Variants in RASGEF1A observed in about 807,000 individuals in gnomAD.
RASGEF1A encodes RasGEF domain family member 1A.
RASGEF1A carries 18 observed loss-of-function variants against 56.4 expected under a neutral mutation model. The observed-to-expected ratio is 0.32, with a 90% CI of 0.22 to 0.47. RASGEF1A has a LOEUF of 0.47. Ranked by LOEUF, RASGEF1A falls within the 20% of genes least tolerant of loss-of-function variation. RASGEF1A has a pLI of 1.00. For synonymous variants in RASGEF1A, 245 were observed against 242.6 expected (o/e 1.01, Z -0.09); for missense variants, 422 against 627.1 (o/e 0.67, Z 3.49).
chr10:43,248,464 A>C (rs2133222978), intron 1 of RASGEF1A, among the ~76,000 whole-genome samples: 1 of 152,304 alleles, frequency 6.6e-6, no homozygotes, highest in South Asian at 2.1e-4. Context: ...TTAAAAGGGT[A>C]AAATTTAAGT....
At chr10:43,229,706 G>A (rs977494426) in intron 1 of RASGEF1A, 11 of 1,424,644 alleles carry the variant, frequency 7.7e-6, no homozygotes, top group South Asian at 2.8e-5. Context: ...TCCAGCGAGC[G>A]GCGGCTCCTC....
chr10:43,204,845 C>T (rs911468564), intron 2 of RASGEF1A, among the ~76,000 whole-genome samples: 1 of 152,208 alleles, frequency 6.6e-6, no homozygotes, highest in Non-Finnish European at 1.5e-5. Flanking sequence ...GGCCTCTGCC[C>T]CACAGACGGC....
chr10:43,258,606 A>G (rs1273509255), intron 1 of RASGEF1A, among the ~76,000 whole-genome samples: 1 of 152,200 alleles, frequency 6.6e-6, no homozygotes, highest in Non-Finnish European at 1.5e-5. Flanking sequence ...GAGGGGCACC[A>G]CCAGCAGGGA....
At position 43,200,902 on chromosome 10, in the gene RASGEF1A, G is replaced by A; in HGVS notation, c.460-14C>T. 1.9e-6 allele frequency: 3 copies of A among 1,607,350 alleles called. No individual in the cohort carries two copies. Among genetic ancestry groups the A allele is most frequent in the Non-Finnish European group, 1.7e-6 (2 of 1,174,470 alleles). ...TGTGCCATTCTCCTGTGGGGTCAAG[G>A]GCAATAAGGGTGCCAGCATGGGCTG... On this transcript the variant is annotated splice_polypyrimidine_tract_variant and intron_variant, in intron 4 of 12. Transcript: ENST00000395810.
At chr10:43,238,171 C>G (rs2900654) in intron 1 of RASGEF1A, among the ~76,000 whole-genome samples, 3 of 36,170 alleles carry the variant, frequency 8.3e-5, no homozygotes, top group Admixed American at 3.2e-4. Context: ...ACCTGCCCCT[C>G]AGGAGGGTTA....
At chr10:43,250,497 C>G (rs191629987) in intron 1 of RASGEF1A, among the ~76,000 whole-genome samples, 2 of 152,338 alleles carry the variant, frequency 1.3e-5, no homozygotes, top group East Asian at 3.9e-4. Context: ...CTGCTAGAAA[C>G]AGATTCCTGG....
At chr10:43,216,647 C>A (rs7096500) in intron 1 of RASGEF1A, among the ~76,000 whole-genome samples, 1 of 152,064 alleles carries the variant, frequency 6.6e-6, no homozygotes, top group Admixed American at 6.5e-5. Flanking sequence ...CAGAGAAGGC[C>A]GTTGGGATGT....
intron 3 of RASGEF1A, chr10:43,202,780 AC>A: frequency 2.2e-6 from 1 of 455,108 alleles, no homozygotes. Context: ...CCTAACCCGG[AC>A]CCAACCCACA....
chr10:43,234,580 A>T (rs1840408436), intron 1 of RASGEF1A, among the ~76,000 whole-genome samples: 1 of 152,192 alleles, frequency 6.6e-6, no homozygotes, highest in South Asian at 2.1e-4. Context: ...GGCTCAGCCC[A>T]CAAGGCCTTG....
chr10:43,252,089 C>A (rs1357197690), intron 1 of RASGEF1A, among the ~76,000 whole-genome samples: 1 of 152,192 alleles, frequency 6.6e-6, no homozygotes, highest in Non-Finnish European at 1.5e-5. Flanking sequence ...GGGCACCTGT[C>A]GCCATTGATG....
intron 1 of RASGEF1A, among the ~76,000 whole-genome samples, chr10:43,261,829 G>A (rs141733422): frequency 3.3e-5 from 5 of 152,330 alleles, no homozygotes; most frequent in African/African-American, 1.2e-4. Flanking sequence ...AGGGCTCACA[G>A]GGCATGCTCA....
intron 1 of RASGEF1A, chr10:43,206,848 G>A: frequency 3.0e-6 from 3 of 985,940 alleles, no homozygotes; most frequent in Non-Finnish European, 3.6e-6. Context: ...AGAGAGATCT[G>A]GAACTGGCTT....
intron 1 of RASGEF1A, among the ~76,000 whole-genome samples, chr10:43,241,659 A>G (rs1840502832): frequency 6.6e-6 from 1 of 152,188 alleles, no homozygotes; most frequent in Non-Finnish European, 1.5e-5. Flanking sequence ...TAAAGGAACA[A>G]AAATGGCATA....
chr10:43,253,509 A>G (rs1036111194), intron 1 of RASGEF1A, among the ~76,000 whole-genome samples: 1 of 152,200 alleles, frequency 6.6e-6, no homozygotes, highest in African/African-American at 2.4e-5. Flanking sequence ...CAAGTCCTTA[A>G]AGTTGAAGAA....
intron 1 of RASGEF1A, among the ~76,000 whole-genome samples, chr10:43,244,405 A>T (rs35590633): frequency 0.022 from 5 of 228 alleles, no homozygotes; most frequent in Non-Finnish European, 0.028. Flanking sequence ...TAAAAAAATT[A>T]AAAAAAAAAA....
chr10:43,201,233 C>A (rs1451333044), intron 4 of RASGEF1A, among the ~76,000 whole-genome samples: 1 of 152,198 alleles, frequency 6.6e-6, no homozygotes, highest in Non-Finnish European at 1.5e-5. Flanking sequence ...CAGTTTAAGG[C>A]ATGGGAAAGG....
intron 1 of RASGEF1A, among the ~76,000 whole-genome samples, chr10:43,237,180 T>C (rs1319300667): frequency 5.3e-5 from 8 of 151,840 alleles, no homozygotes; most frequent in Non-Finnish European, 2.9e-5. Flanking sequence ...TCAGGGCCAG[T>C]GTGGCCTTGT....
At chr10:43,257,321 T>C (rs1239616998) in intron 1 of RASGEF1A, among the ~76,000 whole-genome samples, 1 of 152,228 alleles carries the variant, frequency 6.6e-6, no homozygotes, top group Non-Finnish European at 1.5e-5. Context: ...ATGCCCACCC[T>C]GGGCCCACTT....
At chr10:43,253,641 A>G (rs141719135) in intron 1 of RASGEF1A, among the ~76,000 whole-genome samples, 145 of 152,312 alleles carry the variant, frequency 9.5e-4, no homozygotes, top group African/African-American at 3.3e-3. Context: ...CAAGGCCCAG[A>G]GGGGGCTCTA....
Sources: gnomAD v4.1 joint callset for allele counts (sites outside exome capture counted in the v4.1 genomes callset) on GRCh38, gnomAD v4.1.1 for gene constraint, MANE v1.5 for transcripts, NCBI Gene and HGNC (gene_info 2026-07-23, HGNC 2026-07-21) for gene names.